RANBP17: variants seen among roughly 807,000 people sequenced by gnomAD.
RANBP17 encodes ran-binding protein 17.
In RANBP17, 158 loss-of-function variants were observed where a neutral mutation model predicts 141.2. That is an observed-to-expected ratio of 1.12 (90% CI 0.98 to 1.28). RANBP17 has a LOEUF of 1.28. Ranked by LOEUF, RANBP17 falls within the 50% of genes most tolerant of loss-of-function variation. RANBP17 has a pLI of 0.00. For missense variants in RANBP17, 1,438 were observed against 1,290.7 expected, an observed-to-expected ratio of 1.11 and a Z score of -1.75; for synonymous variants, 430 against 450.0, an observed-to-expected ratio of 0.96 and a Z score of 0.56.
intron 14 of RANBP17, among the ~76,000 whole-genome samples, chr5:171,089,333 C>T (rs975219381): frequency 1.1e-3 from 150 of 140,290 alleles, no homozygotes; most frequent in African/African-American, 1.3e-3. Context: ...TCTCCAGCTG[C>T]GTGCTGGGAG....
chr5:170,972,813 C>T lies in RANBP17; in HGVS notation c.1710+4436C>T, dbSNP rs138365903. 3.0e-3 allele frequency among the ~76,000 whole-genome samples: 461 copies of T among 152,164 alleles called. 2 individuals are homozygous for T. Among genetic ancestry groups the T allele is most frequent in the Non-Finnish European group, 4.8e-3 (329 of 67,996 alleles). On this transcript the variant is annotated intron_variant, in intron 14 of 27. Transcript: ENST00000523189. ...GTTATAACAGCTTATTTCCTCTCCC[C>T]CAGCCAGGGTAGGTGTCTGTTTCTA...
intron 14 of RANBP17, among the ~76,000 whole-genome samples, chr5:170,976,558 A>G (rs1021572007): frequency 6.6e-6 from 1 of 152,160 alleles, no homozygotes; most frequent in East Asian, 1.9e-4. Context: ...AAGTTGGAAT[A>G]CTCACACTTT....
intron 14 of RANBP17, among the ~76,000 whole-genome samples, chr5:170,993,204 T>C (rs1293631048): frequency 6.6e-6 from 1 of 152,068 alleles, no homozygotes. Context: ...TATAAGTCAA[T>C]AGGATCTGTG....
chr5:170,903,983 T>G (rs1770871061), intron 5 of RANBP17: 1 of 486,322 alleles, frequency 2.1e-6, no homozygotes, highest in African/African-American at 2.0e-5. Flanking sequence ...TTAACATTCC[T>G]ACTAAAAGAT....
intron 22 of RANBP17, among the ~76,000 whole-genome samples, chr5:171,235,652 AGTGCAGTGGT>A (rs1351377638): frequency 1.3e-5 from 2 of 152,164 alleles, no homozygotes; most frequent in African/African-American, 4.8e-5. Flanking sequence ...TCCAGGCTGG[AGTGCAGTGGT>A]GTGATCATGG....
intron 14 of RANBP17, among the ~76,000 whole-genome samples, chr5:171,139,636 C>A (rs564862036): frequency 1.3e-5 from 2 of 152,104 alleles, no homozygotes; most frequent in Admixed American, 1.3e-4. Flanking sequence ...AAATATGTCA[C>A]CAATCTATCT....
chr5:170,986,075 C>T (rs1488232743), intron 14 of RANBP17, among the ~76,000 whole-genome samples: 2 of 152,000 alleles, frequency 1.3e-5, no homozygotes, highest in Non-Finnish European at 2.9e-5. Context: ...TGAGATTTCC[C>T]CAGCTCACGC....
At chr5:171,025,007 TTC>T (rs1421687476) in intron 14 of RANBP17, among the ~76,000 whole-genome samples, 1 of 152,208 alleles carries the variant, frequency 6.6e-6, no homozygotes, top group Non-Finnish European at 1.5e-5. Context: ...ACCTTTATAT[TTC>T]TCTCTTTCAG....
intron 24 of RANBP17, among the ~76,000 whole-genome samples, chr5:171,243,446 A>C (rs1330603156): frequency 6.6e-6 from 1 of 152,098 alleles, no homozygotes; most frequent in Non-Finnish European, 1.5e-5. Context: ...GGTTACTTTC[A>C]TTATTTGACT....
chr5:171,174,900 A>G (rs1760342591), intron 16 of RANBP17, among the ~76,000 whole-genome samples: 1 of 151,838 alleles, frequency 6.6e-6, no homozygotes, highest in Admixed American at 6.6e-5. Context: ...TGCTGCACCC[A>G]TCAACCCATC....
chr5:171,110,419 T>A (rs1410105271), intron 14 of RANBP17, among the ~76,000 whole-genome samples: 1 of 152,172 alleles, frequency 6.6e-6, no homozygotes, highest in Non-Finnish European at 1.5e-5. Flanking sequence ...GTGCACAGCC[T>A]GTTGGTTTAC....
intron 14 of RANBP17, among the ~76,000 whole-genome samples, chr5:170,972,393 A>AG (rs939258996): frequency 8.6e-5 from 13 of 152,010 alleles, no homozygotes; most frequent in Non-Finnish European, 1.8e-4. Flanking sequence ...CATGTTGGCC[A>AG]GGCTGGTTTC....
At chr5:170,963,784 G>A (rs749066463) in intron 13 of RANBP17, among the ~76,000 whole-genome samples, 2 of 152,100 alleles carry the variant, frequency 1.3e-5, no homozygotes, top group Non-Finnish European at 2.9e-5. Context: ...GACTAGTACC[G>A]GTCTGCAGCC....
chr5:171,115,435 A>G (rs1755550859), intron 14 of RANBP17, among the ~76,000 whole-genome samples: 1 of 152,336 alleles, frequency 6.6e-6, no homozygotes, highest in East Asian at 1.9e-4. Context: ...GAGACTGTTC[A>G]CTCTAAGATA....
intron 14 of RANBP17, among the ~76,000 whole-genome samples, chr5:171,165,005 C>T (rs1759581848): frequency 6.6e-6 from 1 of 152,102 alleles, no homozygotes; most frequent in African/African-American, 2.4e-5. Context: ...TGTTATTTTT[C>T]ATGTGAAGAG....
At chr5:171,091,663 G>T (rs1297642184) in intron 14 of RANBP17, among the ~76,000 whole-genome samples, 1 of 152,138 alleles carries the variant, frequency 6.6e-6, no homozygotes, top group Non-Finnish European at 1.5e-5. Context: ...CTGGTGGGAG[G>T]TAACTGAATC....
chr5:171,016,230 T>C (rs1561990358), intron 14 of RANBP17, among the ~76,000 whole-genome samples: 1 of 151,606 alleles, frequency 6.6e-6, no homozygotes, highest in Non-Finnish European at 1.5e-5. Context: ...TTGTTTCATA[T>C]ATTTAAAGTG....
chr5:171,242,611 A>G lies in RANBP17; in HGVS notation c.2638-71A>G, dbSNP rs1764951632. On this transcript the variant is annotated intron_variant, in intron 23 of 27. Transcript: ENST00000523189. ...TACAATTTCCAGTATTATAAATGAC[A>G]ATTTTCACTGGACTGTAACATGTAT... 16 of 1,509,850 alleles carry G rather than the reference A, an allele frequency of 1.1e-5. No individual in the cohort carries two copies. The South Asian group carries it at 1.6e-4, about 15-fold the overall frequency. The allele number at this position is 1,509,850 out of a possible 1,614,324, so 93.5% of individuals were successfully genotyped here.
intron 13 of RANBP17, among the ~76,000 whole-genome samples, chr5:170,963,848 GT>G (rs1776321644): frequency 6.6e-6 from 1 of 152,050 alleles, no homozygotes; most frequent in Non-Finnish European, 1.5e-5. Flanking sequence ...ACACAAAATT[GT>G]TTACAGTTCA....
Sources: gnomAD v4.1 joint callset for allele counts (sites outside exome capture counted in the v4.1 genomes callset) on GRCh38, gnomAD v4.1.1 for gene constraint, MANE v1.5 for transcripts, NCBI Gene and HGNC (gene_info 2026-07-23, HGNC 2026-07-21) for gene names.